HOMER2: variants seen among roughly 807,000 people sequenced by gnomAD.
HOMER2 encodes the protein homer protein homolog 2.
HOMER2 carries 27 observed loss-of-function variants against 47.0 expected under a neutral mutation model. The ratio of observed to expected loss-of-function variants is 0.57; its 90% CI spans 0.42 to 0.79. The LOEUF (loss-of-function observed/expected upper bound fraction) is 0.79. HOMER2 is among the 30% of genes least tolerant of loss of function. HOMER2 has a pLI of 0.00. For synonymous variants in HOMER2, 161 were observed against 163.8 expected (o/e 0.98, Z 0.13); for missense variants, 443 against 435.0 (o/e 1.02, Z -0.16).
At chr15:82,967,770 A>G (rs2054688337) in intron 1 of HOMER2, among the ~76,000 whole-genome samples, 2 of 151,746 alleles carry the variant, frequency 1.3e-5, no homozygotes, top group Admixed American at 1.3e-4. Context: ...TCAGTTACTC[A>G]GGAGGCTGAG....
downstream of HOMER2, chr15:82,845,699 G>A (rs1057169846): frequency 6.6e-6 from 1 of 152,160 alleles, no homozygotes; most frequent in Admixed American, 6.5e-5. Context: ...CCTCTTTTGA[G>A]TGCCTGTGCT....
chr15:82,960,222 G>A (rs1396383161), intron 1 of HOMER2, among the ~76,000 whole-genome samples: 1 of 152,236 alleles, frequency 6.6e-6, no homozygotes, highest in African/African-American at 2.4e-5. Flanking sequence ...AGCAGCAGCA[G>A]CAAGTCAGAG....
rs1474690532 is a variant in HOMER2, at chr15:82,915,598, A to C, written c.6-22757T>G. Among the ~76,000 whole-genome samples the C allele has an allele frequency of 1.3e-5, 2 of 152,230 alleles. 1 individual carries two copies. Among genetic ancestry groups the C allele is most frequent in the Middle Eastern group, 6.3e-3 (2 of 316 alleles). On this transcript the variant is annotated intron_variant, in intron 1 of 8. Transcript: ENST00000450735. ...CATGGTGGCACGTGCCTGTAGTCCC[A>C]GCTGCTGGGAGGCTAACGTGGGAGG...
chr15:82,880,586 T>C (rs1046694781), intron 2 of HOMER2, among the ~76,000 whole-genome samples: 13 of 152,024 alleles, frequency 8.6e-5, no homozygotes, highest in African/African-American at 3.1e-4. Context: ...CATAACAAAG[T>C]TGTTAGGGAG....
chr15:82,978,799 C>T (rs2030293520), intron 1 of HOMER2, among the ~76,000 whole-genome samples: 1 of 152,216 alleles, frequency 6.6e-6, no homozygotes, highest in Admixed American at 6.5e-5. Flanking sequence ...CAGCTCACTG[C>T]AACCTCTGCC....
At chr15:82,889,019 C>T (rs1003047010) in intron 2 of HOMER2, among the ~76,000 whole-genome samples, 4 of 152,274 alleles carry the variant, frequency 2.6e-5, no homozygotes, top group Admixed American at 2.0e-4. Flanking sequence ...TTGAGAGGAA[C>T]GAATGGCCCA....
At chr15:82,851,290 A>G (rs2051386174) in intron 7 of HOMER2, 59 bp from the exon 8 acceptor site, 3 of 1,213,096 alleles carry the variant, frequency 2.5e-6, no homozygotes, top group Non-Finnish European at 3.6e-6. Flanking sequence ...TATATTCTTG[A>G]AAATCACCAA....
At chr15:82,920,835 G>A (rs1210054359) in intron 1 of HOMER2, among the ~76,000 whole-genome samples, 1 of 151,822 alleles carries the variant, frequency 6.6e-6, no homozygotes, top group Non-Finnish European at 1.5e-5. Flanking sequence ...CCACTCTGGG[G>A]GTAAAACAAT....
rs1336454910 is a variant in HOMER2, at chr15:82,859,321, A to G, written c.388-186T>C. 6.8e-6 allele frequency: 5 copies of G among 733,466 alleles called. No individual in the cohort carries two copies. In the African/African-American group the frequency reaches 7.0e-5, roughly 10 times the overall value. The allele number at this position is 733,466 out of a possible 1,614,324, so 45.4% of individuals were successfully genotyped here. On this transcript the variant is annotated intron_variant, in intron 4 of 8. Transcript: ENST00000450735. ...AAGTTTTTGTTTTTTTTTTAAACAA[A>G]CAAACAAACAAAAAAGAAAACAAAA...
At chr15:82,963,331 C>G (rs1317050471) in intron 1 of HOMER2, among the ~76,000 whole-genome samples, 1 of 152,044 alleles carries the variant, frequency 6.6e-6, no homozygotes, top group Non-Finnish European at 1.5e-5. Context: ...CTCAAGTGAT[C>G]CTCCTGCCTC....
rs552625501 is a variant in HOMER2 at position 82,911,827 on chromosome 15, C to T, written c.6-18986G>A. 3.9e-5 allele frequency among the ~76,000 whole-genome samples: 6 copies of T among 152,176 alleles called. No homozygotes were observed. The South Asian group carries it at 6.2e-4, about 16-fold the overall frequency. ...AGGACCTCACCTGAGGTCAGGAGTT[C>T]GAGACCAGACTGGTCAACATGGTAA... is the stretch of plus-strand genomic sequence containing the variant. On this transcript the variant is annotated intron_variant, in intron 1 of 8. Coordinates refer to ENST00000450735, the MANE Select transcript of HOMER2 (RefSeq NM_004839.4).
intron 1 of HOMER2, among the ~76,000 whole-genome samples, chr15:82,916,803 C>A (rs907422109): frequency 6.6e-6 from 1 of 151,746 alleles, no homozygotes; most frequent in Non-Finnish European, 1.5e-5. Flanking sequence ...GAGCCAGAGC[C>A]CTCATTTTTT....
At chr15:82,957,561 C>A (rs1289162256), upstream of HOMER2, among the ~76,000 whole-genome samples, 1 of 152,180 alleles carries the variant, frequency 6.6e-6, no homozygotes, top group African/African-American at 2.4e-5. Context: ...CTTTGCCAAT[C>A]TGTATCCAGA....
In HOMER2 at chr15:82,842,218, C is replaced by A. The variant is rs553423223; in HGVS notation, c.*5056G>T. On this transcript the variant is annotated 3_prime_UTR_variant, in exon 2 of 2. Transcript: ENST00000558090. ...GGTTAAATATTATAAAGATGTTAGT[C>A]CTCTTGTGTAAAATATGTAAATTTT... 4 of 151,972 alleles carry A rather than the reference C, an allele frequency of 2.6e-5. No homozygotes were observed. The South Asian group carries it at 6.2e-4, about 24-fold the overall frequency. The allele number at this position is 151,972 out of a possible 1,614,324, so 9.4% of individuals were successfully genotyped here. A position where few individuals can be genotyped will look rare whatever the true frequency, so the allele number is the denominator to read the frequency against.
At chr15:82,911,166 C>T (rs1230420624) in intron 1 of HOMER2, among the ~76,000 whole-genome samples, 1 of 152,220 alleles carries the variant, frequency 6.6e-6, no homozygotes, top group Non-Finnish European at 1.5e-5. Flanking sequence ...GAATCTAGCT[C>T]TCTCTCCCTA....
intron 2 of HOMER2, among the ~76,000 whole-genome samples, chr15:82,891,512 G>A (rs28436821): frequency 0.012 from 1,764 of 152,262 alleles, 41 homozygotes; most frequent in African/African-American, 0.039. Context: ...GCAGGCTCTC[G>A]TGCCTTCCCT....
chr15:82,851,032 A>G, intron 8 of HOMER2, 119 bp downstream of exon 8: 3 of 736,712 alleles, frequency 4.1e-6, no homozygotes, highest in Non-Finnish European at 6.9e-6. Flanking sequence ...CTTTTTGTGA[A>G]TAGAAAATCT....
rs1596327250 is a variant in HOMER2 at position 82,892,573 on chromosome 15, G to T, written c.162+112C>A. On this transcript the variant is annotated intron_variant, in intron 2 of 8. Transcript: ENST00000450735. ...TTTAAATGCAAAAAGAACAGAATAT[G>T]TTATACAGACATTATAACAATAACT... The T allele has an allele frequency of 3.7e-5, 30 of 814,686 alleles. No individual in the cohort carries two copies. In the East Asian group the frequency reaches 7.7e-4, roughly 21 times the overall value. The allele number at this position is 814,686 out of a possible 1,614,324, so 50.5% of individuals were successfully genotyped here.
chr15:82,867,136 G>A (rs1254750597), intron 3 of HOMER2, among the ~76,000 whole-genome samples: 12 of 152,042 alleles, frequency 7.9e-5, no homozygotes, highest in Admixed American at 7.9e-4. Context: ...CAAACCTGTA[G>A]CATGATAAAT....
Sources: allele counts gnomAD v4.1 joint callset (sites outside exome capture counted in the v4.1 genomes callset), GRCh38; gene constraint gnomAD v4.1.1; transcripts MANE v1.5; gene names NCBI Gene and HGNC (gene_info 2026-07-23, HGNC 2026-07-21).